Variants in KIAA1328 observed in about 807,000 individuals in gnomAD.
The protein encoded by KIAA1328 is KIAA1328.
Under a neutral mutation model 68.1 loss-of-function variants are expected in KIAA1328, and 52 were observed. The observed-to-expected ratio is 0.76, with a 90% CI of 0.61 to 0.96. The LOEUF (loss-of-function observed/expected upper bound fraction) is 0.96. Among genes scored for constraint, KIAA1328 ranks in the 40% least tolerant of loss-of-function variants. The probability of loss-of-function intolerance (pLI) is 0.00; values close to 1 mark genes in which losing one functional copy is unlikely to be tolerated. For missense variants in KIAA1328, 641 were observed against 677.6 expected, an observed-to-expected ratio of 0.95 and a Z score of 0.60; for synonymous variants, 232 against 239.4, an observed-to-expected ratio of 0.97 and a Z score of 0.28.
At chr18:37,069,259 A>C (rs1188904697) in intron 7 of KIAA1328, among the ~76,000 whole-genome samples, 1 of 142,312 alleles carries the variant, frequency 7.0e-6, no homozygotes, top group African/African-American at 2.6e-5. Flanking sequence ...TATTTGCATC[A>C]GTTTTTTTTT....
chr18:37,161,958 C>T (rs182422934), intron 8 of KIAA1328, among the ~76,000 whole-genome samples: 101 of 152,314 alleles, frequency 6.6e-4, no homozygotes, highest in Admixed American at 1.0e-3. Context: ...GGCCTAGCTA[C>T]AGAAGCCAGA....
At chr18:37,172,565 C>T (rs1381412128) in intron 8 of KIAA1328, among the ~76,000 whole-genome samples, 1 of 152,136 alleles carries the variant, frequency 6.6e-6, no homozygotes, top group African/African-American at 2.4e-5. Flanking sequence ...TTATATATAT[C>T]TTGAAAGTGT....
At chr18:37,082,419 G>A (rs752632341) in intron 7 of KIAA1328, among the ~76,000 whole-genome samples, 37 of 152,050 alleles carry the variant, frequency 2.4e-4, no homozygotes, top group Admixed American at 1.3e-4. Flanking sequence ...TGATCTGCCC[G>A]CCTCGGTCTC....
At chr18:37,041,944 T>G (rs1160660808) in intron 6 of KIAA1328, among the ~76,000 whole-genome samples, 2 of 152,156 alleles carry the variant, frequency 1.3e-5, no homozygotes, top group Non-Finnish European at 2.9e-5. Flanking sequence ...CAGCCTGGAG[T>G]GCAGTGGTGC....
In KIAA1328 at chr18:37,159,813, G is replaced by C. The variant is rs140179554; in HGVS notation, c.1233-387G>C. Among the ~76,000 whole-genome samples the C allele has an allele frequency of 5.4e-3, 828 of 152,182 alleles. 10 individuals are homozygous for C. The highest frequency in any genetic ancestry group is 6.0e-3 in the Non-Finnish European group (407 of 67,998). On this transcript the variant is annotated intron_variant, in intron 7 of 9. Transcript: ENST00000280020. Reference sequence around the variant, plus strand: ...CAAACGCGTTTGTGTGAGGCACATTGGTGATATTTTAATCCCTAGTGTTCA... The same window carrying C: ...CAAACGCGTTTGTGTGAGGCACATTCGTGATATTTTAATCCCTAGTGTTCA...
intron 8 of KIAA1328, among the ~76,000 whole-genome samples, chr18:37,166,221 G>A (rs1218682336): frequency 6.6e-6 from 1 of 152,012 alleles, no homozygotes; most frequent in Non-Finnish European, 1.5e-5. Context: ...CAGAACTCTG[G>A]AGGATAGTGA....
intron 4 of KIAA1328, among the ~76,000 whole-genome samples, chr18:36,855,040 T>C (rs1231621978): frequency 3.9e-5 from 6 of 152,224 alleles, no homozygotes; most frequent in Non-Finnish European, 1.5e-5. Context: ...CACAATTTAT[T>C]GATTTATTCA....
At chr18:36,854,016 T>C (rs1383296780) in intron 4 of KIAA1328, among the ~76,000 whole-genome samples, 2 of 152,212 alleles carry the variant, frequency 1.3e-5, no homozygotes, top group African/African-American at 4.8e-5. Flanking sequence ...GTTGAAGTGT[T>C]AATCCTCAGT....
chr18:37,217,089 T>C (rs1292565302), intron 9 of KIAA1328, among the ~76,000 whole-genome samples: 21 of 151,478 alleles, frequency 1.4e-4, no homozygotes, highest in Admixed American at 1.4e-3. Flanking sequence ...GTCTCCTGAA[T>C]ACAGCACACT....
At chr18:36,866,025 G>A (rs765358779) in intron 4 of KIAA1328, among the ~76,000 whole-genome samples, 10 of 152,230 alleles carry the variant, frequency 6.6e-5, no homozygotes, top group African/African-American at 9.6e-5. Context: ...GGGCTGCCCC[G>A]CTGAGTATAT....
intron 6 of KIAA1328, among the ~76,000 whole-genome samples, chr18:37,048,663 T>A (rs1343042672): frequency 6.6e-6 from 1 of 152,202 alleles, no homozygotes; most frequent in Non-Finnish European, 1.5e-5. Context: ...ATTTTACTGA[T>A]CTAAACTAAA....
chr18:37,222,188 G>A lies in KIAA1328; in HGVS notation c.1695G>A (p.Leu565=). The A allele has an allele frequency of 6.3e-7, 1 of 1,594,674 alleles. No homozygotes were observed. Among genetic ancestry groups the A allele is most frequent in the South Asian group, 1.1e-5 (1 of 88,102 alleles). Residue 565 remains leucine, a synonymous_variant, in exon 10 of 10, where the codon TTG becomes TTA. Coordinates refer to ENST00000280020, the MANE Select transcript of KIAA1328 (RefSeq NM_020776.3). ...GGATGCACAGAACCCCTGAAGAGTT[G>A]GAGGAGAATCAGATTCTGGAAGATA... ...KMGMHRTPEE[L]EENQILEDIF...
Position 36,893,465 on chromosome 18 carries a change from T to TGTGTGTGTGTG in KIAA1328, c.448+7793_448+7794insGTGTGTGTGTG, listed in dbSNP as rs1556812094. Reference sequence around the variant, plus strand: ...TGTGTGTGTGTGTGTGTGTGTGTTTTTGTGTGTGTGTGTGTGTGTGTGTGT... The same window carrying TGTGTGTGTGTG: ...TGTGTGTGTGTGTGTGTGTGTGTTTTGTGTGTGTGTGTGTGTGTGTGTGTGTGTGTGTGTGT... On this transcript the variant is annotated intron_variant, in intron 5 of 9. Coordinates refer to ENST00000280020, the MANE Select transcript of KIAA1328 (RefSeq NM_020776.3). Among the ~76,000 whole-genome samples the TGTGTGTGTGTG allele has an allele frequency of 2.2e-4, 27 of 120,650 alleles. 1 individual carries two copies. The highest frequency in any genetic ancestry group is 6.2e-4 in the African/African-American group (19 of 30,470). The allele number at this position is 120,650 out of a possible 152,430, so 79.2% of individuals were successfully genotyped here.
chr18:37,050,456 A>G (rs540941588), intron 6 of KIAA1328, among the ~76,000 whole-genome samples: 34 of 152,278 alleles, frequency 2.2e-4, no homozygotes, highest in African/African-American at 7.7e-4. Context: ...TCTGCATTAA[A>G]TAATTCAAAC....
At chr18:37,052,041 C>CAAA (rs879749688) in intron 6 of KIAA1328, among the ~76,000 whole-genome samples, 1 of 121,610 alleles carries the variant, frequency 8.2e-6, no homozygotes, top group Non-Finnish European at 1.8e-5. Flanking sequence ...GACTACGTCT[C>CAAA]AAAAAAAAAA....
intron 6 of KIAA1328, among the ~76,000 whole-genome samples, chr18:36,963,037 T>C (rs1048391796): frequency 1.3e-5 from 2 of 152,328 alleles, no homozygotes; most frequent in Middle Eastern, 3.4e-3. Flanking sequence ...AGGAGCTGGT[T>C]TTTTGAAAAG....
At chr18:36,843,744 A>G (rs1253090663) in intron 3 of KIAA1328, among the ~76,000 whole-genome samples, 1 of 152,130 alleles carries the variant, frequency 6.6e-6, no homozygotes, top group African/African-American at 2.4e-5. Context: ...ACTAGATGTA[A>G]TTGTTAGCTA....
chr18:36,966,651 A>T (rs1337172229), intron 6 of KIAA1328, among the ~76,000 whole-genome samples: 1 of 152,260 alleles, frequency 6.6e-6, no homozygotes, highest in Non-Finnish European at 1.5e-5. Flanking sequence ...AGGATATAAG[A>T]TCAATATGTA....
intron 7 of KIAA1328, among the ~76,000 whole-genome samples, chr18:37,148,210 T>C (rs147225788): frequency 0.013 from 2,041 of 152,296 alleles, 45 homozygotes; most frequent in African/African-American, 0.047. Context: ...CTCCCACTTA[T>C]AAGTGAGAAC....
Sources: gnomAD v4.1 joint callset for allele counts (sites outside exome capture counted in the v4.1 genomes callset) on GRCh38, gnomAD v4.1.1 for gene constraint, MANE v1.5 for transcripts, NCBI Gene and HGNC (gene_info 2026-07-23, HGNC 2026-07-21) for gene names.